CALCRL: variants seen among roughly 807,000 people sequenced by gnomAD.
The protein encoded by CALCRL is calcitonin gene-related peptide type 1 receptor.
CALCRL carries 27 observed loss-of-function variants against 60.4 expected under a neutral mutation model. The ratio of observed to expected loss-of-function variants is 0.45; its 90% CI spans 0.33 to 0.62. The LOEUF (loss-of-function observed/expected upper bound fraction) is 0.62. Ranked by LOEUF, CALCRL falls within the 20% of genes least tolerant of loss-of-function variation. The pLI is 0.03. For synonymous variants in CALCRL, 190 were observed against 182.6 expected (o/e 1.04, Z -0.33); for missense variants, 424 against 540.7 (o/e 0.78, Z 2.14).
At chr2:187,412,786 C>T (rs1408480881) in intron 1 of CALCRL, among the ~76,000 whole-genome samples, 1 of 152,148 alleles carries the variant, frequency 6.6e-6, no homozygotes, top group Non-Finnish European at 1.5e-5. Flanking sequence ...CTGTAAATGG[C>T]TTTCAGGTTT....
chr2:187,413,555 G>A (rs1689459354), intron 1 of CALCRL, among the ~76,000 whole-genome samples: 2 of 152,020 alleles, frequency 1.3e-5, no homozygotes, highest in South Asian at 4.1e-4. Context: ...CAAACCTAGG[G>A]GAAGACTAAG....
rs571112089 is a variant in CALCRL at position 187,382,084 on chromosome 2, A to G, written c.184+1089T>C. On this transcript the variant is annotated intron_variant, in intron 5 of 14. Coordinates refer to ENST00000392370, the MANE Select transcript of CALCRL (RefSeq NM_005795.6). ...TTTAGAAAGCATCTCAGATATGTCC[A>G]TATCACAGCTCCAAAAGTATCTAAT... 2.8e-4 allele frequency among the ~76,000 whole-genome samples: 43 copies of G among 152,292 alleles called. No homozygotes were observed. The South Asian group carries it at 8.1e-3, about 29-fold the overall frequency.
intron 1 of CALCRL, among the ~76,000 whole-genome samples, chr2:187,394,239 A>G (rs1259148485): frequency 6.6e-6 from 1 of 152,042 alleles, no homozygotes; most frequent in Non-Finnish European, 1.5e-5. Context: ...TCAGTCCTAC[A>G]ACCACAAGGA....
Position 187,416,257 on chromosome 2 carries a change from A to G in CALCRL, c.-292-28501T>C, listed in dbSNP as rs1210194666. Among the ~76,000 whole-genome samples the G allele has an allele frequency of 3.9e-5, 6 of 152,312 alleles. No homozygotes were observed. In the East Asian group the frequency reaches 1.2e-3, roughly 29 times the overall value. On this transcript the variant is annotated intron_variant, in intron 1 of 14. Coordinates refer to ENST00000392370, the MANE Select transcript of CALCRL (RefSeq NM_005795.6). Reference sequence around the variant, plus strand: ...CAATTAAAAATAAACAAATTTACTAATGGTAATCTAATAAAGTAATGTTTA... The same window carrying G: ...CAATTAAAAATAAACAAATTTACTAGTGGTAATCTAATAAAGTAATGTTTA...
chr2:187,360,502 A>C (rs1357628906), intron 10 of CALCRL, 96 bp downstream of exon 10: 3 of 1,017,472 alleles, frequency 2.9e-6, no homozygotes, highest in Admixed American at 5.7e-5. Flanking sequence ...TTTAAAAATG[A>C]TTACTCATTG....
At chr2:187,357,558 G>A (rs946809258) in intron 12 of CALCRL, among the ~76,000 whole-genome samples, 6 of 148,582 alleles carry the variant, frequency 4.0e-5, no homozygotes, top group Non-Finnish European at 7.4e-5. Flanking sequence ...TGCATGTGGC[G>A]CTTAAAACCC....
intron 1 of CALCRL, among the ~76,000 whole-genome samples, chr2:187,414,892 A>ATT (rs1689534868): frequency 5.0e-4 from 39 of 77,552 alleles, no homozygotes; most frequent in Non-Finnish European, 6.8e-4. Flanking sequence ...TTTTTTTTAA[A>ATT]AAAAAAAAGG....
At chr2:187,395,593 A>G (rs1354603489) in intron 1 of CALCRL, among the ~76,000 whole-genome samples, 3 of 152,074 alleles carry the variant, frequency 2.0e-5, no homozygotes, top group Admixed American at 6.6e-5. Flanking sequence ...TTTATTGAGC[A>G]TCTACTTTTA....
intron 1 of CALCRL, among the ~76,000 whole-genome samples, chr2:187,419,919 G>T (rs796358709): frequency 5.9e-5 from 9 of 152,260 alleles, no homozygotes; most frequent in African/African-American, 2.2e-4. Context: ...ATAACTGTTA[G>T]TTCTGGAGTC....
At chr2:187,389,107 C>G (rs989854831) in intron 1 of CALCRL, among the ~76,000 whole-genome samples, 8 of 145,088 alleles carry the variant, frequency 5.5e-5, no homozygotes, top group Non-Finnish European at 1.0e-4. Context: ...TGCTCTCGCT[C>G]TGTACCCCAA....
chr2:187,428,091 A>C (rs1166149809), intron 1 of CALCRL, among the ~76,000 whole-genome samples: 1 of 152,184 alleles, frequency 6.6e-6, no homozygotes, highest in Non-Finnish European at 1.5e-5. Context: ...GCAAATTAAC[A>C]AGGACATTGC....
In CALCRL at chr2:187,352,340, C is replaced by T. The variant is rs370667979; in HGVS notation, c.910-8G>A. ...CAAGAAAAAAAGATTCACCTAAAAA[C>T]GAAATTAAATGGCATCTGAAAATCA... On this transcript the variant is annotated splice_region_variant and splice_polypyrimidine_tract_variant and intron_variant, in intron 12 of 14. Coordinates refer to ENST00000392370, the MANE Select transcript of CALCRL (RefSeq NM_005795.6). The T allele has an allele frequency of 2.5e-5, 38 of 1,539,198 alleles. No individual in the cohort carries two copies. Among genetic ancestry groups the T allele is most frequent in the East Asian group, 1.1e-4 (5 of 44,240 alleles).
chr2:187,396,608 T>TA (rs1214611664), intron 1 of CALCRL, among the ~76,000 whole-genome samples: 6 of 151,686 alleles, frequency 4.0e-5, no homozygotes, highest in East Asian at 1.9e-4. Context: ...CAAAGTAATT[T>TA]AAAAAAAGAA....
At chr2:187,439,846 T>A (rs1423033531) in intron 1 of CALCRL, among the ~76,000 whole-genome samples, 1 of 152,156 alleles carries the variant, frequency 6.6e-6, no homozygotes, top group African/African-American at 2.4e-5. Flanking sequence ...GTACTGGCAG[T>A]AAGTAAACTT....
At chr2:187,403,058 A>G (rs371579608) in intron 1 of CALCRL, among the ~76,000 whole-genome samples, 81 of 151,768 alleles carry the variant, frequency 5.3e-4, no homozygotes, top group African/African-American at 1.7e-3. Context: ...CAAGAATCCA[A>G]CCATGCTGGC....
intron 8 of CALCRL, among the ~76,000 whole-genome samples, chr2:187,366,249 C>A (rs1423446248): frequency 1.3e-3 from 122 of 94,600 alleles, no homozygotes; most frequent in East Asian, 4.0e-3. Flanking sequence ...GACTCCGTCT[C>A]AAAAAAAAAA....
At chr2:187,428,830 T>A (rs1375836191) in intron 1 of CALCRL, 2 of 150,982 alleles carry the variant, frequency 1.3e-5, no homozygotes, top group African/African-American at 4.9e-5. Context: ...GAGGTGGAGC[T>A]TGCAGTGAGC....
chr2:187,398,122 G>C (rs1221399784), intron 1 of CALCRL, among the ~76,000 whole-genome samples: 1 of 151,430 alleles, frequency 6.6e-6, no homozygotes, highest in Non-Finnish European at 1.5e-5. Context: ...AAGGTGGAAG[G>C]GAGCCTGAAA....
At chr2:187,425,378 C>T (rs1690075453) in intron 1 of CALCRL, among the ~76,000 whole-genome samples, 1 of 151,818 alleles carries the variant, frequency 6.6e-6, no homozygotes, top group Non-Finnish European at 1.5e-5. Context: ...CCTTTCTTAA[C>T]TTCCTTATAA....
Sources: allele counts gnomAD v4.1 joint callset (sites outside exome capture counted in the v4.1 genomes callset), GRCh38; gene constraint gnomAD v4.1.1; transcripts MANE v1.5; gene names NCBI Gene and HGNC (gene_info 2026-07-23, HGNC 2026-07-21).